Variants in IL1RAPL2 observed in about 807,000 individuals in gnomAD.
IL1RAPL2 encodes interleukin 1 receptor accessory protein like 2, also known as X-linked interleukin-1 receptor accessory protein-like 2.
A neutral mutation model predicts 44.1 loss-of-function variants in IL1RAPL2; 3 were observed. The ratio of observed to expected loss-of-function variants is 0.07; its 90% CI spans 0.03 to 0.18. The LOEUF (loss-of-function observed/expected upper bound fraction) is 0.18, where lower values mean the gene tolerates loss of function less well. Ranked by LOEUF, IL1RAPL2 falls within the 10% of genes least tolerant of loss-of-function variation. The pLI is 1.00. For synonymous variants in IL1RAPL2, 181 were observed against 178.8 expected (o/e 1.01, Z -0.10); for missense variants, 391 against 496.4 (o/e 0.79, Z 2.02).
chrX:104,960,211 G>A (rs1313947401), intron 2 of IL1RAPL2, among the ~76,000 whole-genome samples: 3 of 111,967 alleles, frequency 2.7e-5, no homozygotes, highest in African/African-American at 9.7e-5. Flanking sequence ...ATTAGCTTGT[G>A]AGGTTAACTC....
In IL1RAPL2 at chrX:104,587,547, G is replaced by A. The variant is rs778236011; in HGVS notation, c.-20+20496G>A. Among the ~76,000 whole-genome samples, 4 of 112,043 alleles carry A rather than the reference G, an allele frequency of 3.6e-5. No individual in the cohort carries two copies. The East Asian group carries it at 8.4e-4, about 24-fold the overall frequency. Reference sequence around the variant, plus strand: ...TGGGAAACACTGCTATAGAGGAATCGCATGAGCACCCCTCCTTCTCTACTG... The same window carrying A: ...TGGGAAACACTGCTATAGAGGAATCACATGAGCACCCCTCCTTCTCTACTG... On this transcript the variant is annotated intron_variant, in intron 1 of 10. Transcript: ENST00000372582.
chrX:104,986,831 G>T (rs1348316366), intron 2 of IL1RAPL2, among the ~76,000 whole-genome samples: 1 of 111,980 alleles, frequency 8.9e-6, no homozygotes, highest in Non-Finnish European at 1.9e-5. Context: ...GGGATTTTGT[G>T]TATAGAAACA....
At chrX:105,483,422 T>C (rs1216661642) in intron 5 of IL1RAPL2, among the ~76,000 whole-genome samples, 2 of 111,755 alleles carry the variant, frequency 1.8e-5, no homozygotes, top group Non-Finnish European at 1.9e-5. Context: ...CCTTGGTTTA[T>C]GTTGTTAATC....
At chrX:104,938,349 T>G (rs768180458) in intron 2 of IL1RAPL2, among the ~76,000 whole-genome samples, 19 of 112,085 alleles carry the variant, frequency 1.7e-4, no homozygotes, top group Non-Finnish European at 3.6e-4. Flanking sequence ...GATTATTGCT[T>G]TATCTTTTAT....
At chrX:104,881,732 A>G (rs1602778315) in intron 2 of IL1RAPL2, among the ~76,000 whole-genome samples, 1 of 112,283 alleles carries the variant, frequency 8.9e-6, no homozygotes, top group Non-Finnish European at 1.9e-5. Flanking sequence ...AACTAGGGAC[A>G]CAATACAACC....
rs57995343 is a variant in IL1RAPL2 at position 105,469,958 on chromosome X, C to A, written c.698-14355C>A. ...GTTGGTGATAATTCTTCTATCTCTT[C>A]TTCAATGAATGTAGCCTTTAGTACA... On this transcript the variant is annotated intron_variant, in intron 5 of 10. Coordinates refer to ENST00000372582, the MANE Select transcript of IL1RAPL2 (RefSeq NM_017416.2). Among the ~76,000 whole-genome samples the A allele has an allele frequency of 5.7e-3, 638 of 111,295 alleles. 6 individuals carry two copies. The highest frequency in any genetic ancestry group is 0.02 in the African/African-American group (614 of 30,717).
intron 1 of IL1RAPL2, among the ~76,000 whole-genome samples, chrX:104,655,002 G>C (rs764242120): frequency 1.8e-5 from 2 of 111,588 alleles, no homozygotes; most frequent in East Asian, 5.7e-4. Flanking sequence ...AGGAATGTTT[G>C]TGATTTTTGT....
chrX:105,268,954 T>A (rs2034426825), intron 5 of IL1RAPL2, among the ~76,000 whole-genome samples: 1 of 110,541 alleles, frequency 9.0e-6, no homozygotes, highest in Non-Finnish European at 1.9e-5. Flanking sequence ...ATATAAACAA[T>A]TAAAAAAGTA....
At chrX:104,673,650 T>C (rs1422161086) in intron 2 of IL1RAPL2, among the ~76,000 whole-genome samples, 1 of 111,407 alleles carries the variant, frequency 9.0e-6, no homozygotes, top group African/African-American at 3.3e-5. Context: ...CTTTGGTAGC[T>C]TGATGGGGAT....
At chrX:105,216,505 G>T (rs2033859453) in intron 3 of IL1RAPL2, among the ~76,000 whole-genome samples, 1 of 110,702 alleles carries the variant, frequency 9.0e-6, no homozygotes, top group Non-Finnish European at 1.9e-5. Context: ...TTAATATTGT[G>T]AAAGTGGCCA....
At chrX:105,123,754 A>G (rs890778752) in intron 2 of IL1RAPL2, among the ~76,000 whole-genome samples, 7 of 111,218 alleles carry the variant, frequency 6.3e-5, no homozygotes, top group African/African-American at 2.3e-4. Context: ...ATATAAGTGA[A>G]CTAGTATTTC....
intron 2 of IL1RAPL2, among the ~76,000 whole-genome samples, chrX:105,039,074 G>A (rs1255379421): frequency 1.8e-5 from 2 of 111,717 alleles, no homozygotes; most frequent in East Asian, 5.7e-4. Flanking sequence ...CTGTGAGGTG[G>A]TAATTTATAA....
At chrX:105,567,223 C>T (rs2036981196) in intron 6 of IL1RAPL2, among the ~76,000 whole-genome samples, 1 of 111,287 alleles carries the variant, frequency 9.0e-6, no homozygotes, top group Admixed American at 9.6e-5. Context: ...GTGATACAGA[C>T]AGATGGCAAA....
chrX:105,539,857 C>T (rs2036707124), intron 6 of IL1RAPL2, among the ~76,000 whole-genome samples: 1 of 111,394 alleles, frequency 9.0e-6, no homozygotes, highest in African/African-American at 3.3e-5. Context: ...AAAAAGTGGA[C>T]AAAAGACATG....
chrX:105,058,922 C>A lies in IL1RAPL2; in HGVS notation c.83-136553C>A, dbSNP rs186644925. Among the ~76,000 whole-genome samples, 119 of 111,442 alleles carry A rather than the reference C, an allele frequency of 1.1e-3. 1 individual carries two copies. Among genetic ancestry groups the A allele is most frequent in the African/African-American group, 3.8e-3 (115 of 30,660 alleles). On this transcript the variant is annotated intron_variant, in intron 2 of 10. Transcript: ENST00000372582. Reference sequence around the variant, plus strand: ...GTCCTAATTACAGTTAACCCTTGAACAACATGAGGGTTGGGGCAGTGACAC... The same window carrying A: ...GTCCTAATTACAGTTAACCCTTGAAAAACATGAGGGTTGGGGCAGTGACAC...
intron 5 of IL1RAPL2, among the ~76,000 whole-genome samples, chrX:105,445,564 C>A (rs1279686580): frequency 9.0e-6 from 1 of 110,562 alleles, no homozygotes; most frequent in Non-Finnish European, 1.9e-5. Context: ...TTTGCTATAT[C>A]CCATAGGTTT....
At chrX:105,169,056 C>T (rs778007770) in intron 2 of IL1RAPL2, among the ~76,000 whole-genome samples, 150 of 112,372 alleles carry the variant, frequency 1.3e-3, no homozygotes, top group Middle Eastern at 4.7e-3. Flanking sequence ...CAGAGCTACT[C>T]TTTATTTTAC....
intron 5 of IL1RAPL2, among the ~76,000 whole-genome samples, chrX:105,285,705 C>T (rs2034566050): frequency 8.9e-6 from 1 of 111,996 alleles, no homozygotes; most frequent in Non-Finnish European, 1.9e-5. Context: ...GTCTTTCTGA[C>T]TTAGTCCTGA....
intron 6 of IL1RAPL2, among the ~76,000 whole-genome samples, chrX:105,596,008 T>A (rs1174604590): frequency 9.0e-6 from 1 of 111,454 alleles, no homozygotes; most frequent in Non-Finnish European, 1.9e-5. Context: ...TCCACTTTCA[T>A]CTCTTTATTT....
Sources: gnomAD v4.1 joint callset for allele counts (sites outside exome capture counted in the v4.1 genomes callset) on GRCh38, gnomAD v4.1.1 for gene constraint, MANE v1.5 for transcripts, NCBI Gene and HGNC (gene_info 2026-07-23, HGNC 2026-07-21) for gene names.